CACNA1A: variants seen among roughly 807,000 people sequenced by gnomAD.
The protein encoded by CACNA1A is voltage-dependent P/Q-type calcium channel subunit alpha-1A.
CACNA1A carries 57 observed loss-of-function variants against 262.4 expected under a neutral mutation model. The ratio of observed to expected loss-of-function variants is 0.22; its 90% CI spans 0.18 to 0.27. The LOEUF (loss-of-function observed/expected upper bound fraction) is 0.27. Among genes scored for constraint, CACNA1A ranks in the 10% least tolerant of loss-of-function variants. The probability of loss-of-function intolerance (pLI) is 1.00; values close to 1 mark genes in which losing one functional copy is unlikely to be tolerated. For synonymous variants in CACNA1A, 1,431 were observed against 1,419.3 expected (o/e 1.01, Z -0.18); for missense variants, 2,526 against 3,562.8 (o/e 0.71, Z 7.41).
Position 13,283,311 on chromosome 19 carries a change from G to A in CACNA1A, c.3778C>T (p.Leu1260=), listed in dbSNP as rs944942986. The A allele has an allele frequency of 3.1e-6, 5 of 1,613,886 alleles. No individual in the cohort carries two copies. In the African/African-American group the frequency reaches 6.7e-5, roughly 22 times the overall value. ...GGCTGCACAGGGTCCTCGGCGGCCA[G>A]GGCGATGCTGCTCATGGCAATGACC... is the stretch of plus-strand genomic sequence containing the variant. ...LMVIAMSSIA[L]AAEDPVQPNA... Residue 1260 remains leucine, a synonymous_variant, in exon 22 of 47, where the codon CTG becomes TTG. Coordinates refer to ENST00000360228, the MANE Select transcript of CACNA1A (RefSeq NM_001127222.2).
Position 13,317,207 on chromosome 19 carries a change from G to A in CACNA1A, c.1460C>T (p.Ala487Val). Residue 487 changes from alanine (A) to valine (V), a missense_variant, in exon 11 of 47, where the codon GCC becomes GTC. By Grantham distance (64) the Ala-to-Val change is moderately conservative. Around this residue, in one of 17 missense-constraint regions of CACNA1A, gnomAD observed 102 missense variants for 278.9 expected, o/e 0.37. Coordinates refer to ENST00000360228, the MANE Select transcript of CACNA1A (RefSeq NM_001127222.2). ...FYIRRMVKTQAFYWTVLSLVA... is the reference protein window; with the variant it reads ...FYIRRMVKTQVFYWTVLSLVA... ...CAAACTGAGTACAGTCCAGTAGAAG[G>A]CCTGAGTTTTGACCATGCGGCGGAT... 1 of 1,613,698 alleles carries A rather than the reference G, an allele frequency of 6.2e-7. No homozygotes were observed. Among genetic ancestry groups the A allele is most frequent in the Non-Finnish European group, 8.5e-7 (1 of 1,179,674 alleles).
chr19:13,282,705 C>A (rs1446779905), intron 22 of CACNA1A, among the ~76,000 whole-genome samples: 1 of 151,664 alleles, frequency 6.6e-6, no homozygotes, highest in African/African-American at 2.4e-5. Flanking sequence ...GTTGGGGGGG[C>A]GCATTGTGAG....
chr19:13,486,560 G>C (rs1478603815), intron 1 of CACNA1A, among the ~76,000 whole-genome samples: 1 of 152,164 alleles, frequency 6.6e-6, no homozygotes, highest in Non-Finnish European at 1.5e-5. Context: ...GAAAAGAGAT[G>C]ACGAGTTGGC....
At chr19:13,391,929 C>T (rs1286623269) in intron 3 of CACNA1A, among the ~76,000 whole-genome samples, 5 of 145,436 alleles carry the variant, frequency 3.4e-5, no homozygotes, top group African/African-American at 1.0e-4. Flanking sequence ...CCCAGCTACT[C>T]GGGAGGCTGA....
At chr19:13,310,391 G>T (rs187931094) in intron 12 of CACNA1A, among the ~76,000 whole-genome samples, 54 of 141,680 alleles carry the variant, frequency 3.8e-4, no homozygotes, top group Middle Eastern at 3.8e-3. Flanking sequence ...GGAGGTGGAG[G>T]TTGTAGTGAG....
Position 13,299,064 on chromosome 19 carries a change from A to G in CACNA1A, c.2569T>C (p.Phe857Leu). The change falls in exon 19 of 47, where the codon TTC becomes CTC. Residue 857 changes from phenylalanine (F) to leucine (L), a missense_variant. Around this residue, in one of 17 missense-constraint regions of CACNA1A, gnomAD observed 765 missense variants for 748.6 expected, o/e 1.02. Transcript: ENST00000360228. Reference sequence around the variant, plus strand: ...TGGTAGCGGGCCTGTTTCCTGAGGAAGTCCTCGGCGCGCTGCTGGCCGAGG... The same window carrying G: ...TGGTAGCGGGCCTGTTTCCTGAGGAGGTCCTCGGCGCGCTGCTGGCCGAGG... ...QRLGQQRAED[F>L]LRKQARYHDR... 3 of 1,607,000 alleles carry G rather than the reference A, an allele frequency of 1.9e-6. No individual in the cohort carries two copies. Among genetic ancestry groups the G allele is most frequent in the Non-Finnish European group, 2.5e-6 (3 of 1,178,998 alleles).
chr19:13,408,912 G>A (rs1374061147), intron 3 of CACNA1A, among the ~76,000 whole-genome samples: 2 of 152,132 alleles, frequency 1.3e-5, no homozygotes, highest in African/African-American at 4.8e-5. Flanking sequence ...AGGCAGGGAC[G>A]AGGAAGGAGA....
rs117285960 is a variant in CACNA1A, at chr19:13,333,456, A to T, written c.1199-531T>A. 5.3e-5 allele frequency among the ~76,000 whole-genome samples: 8 copies of T among 150,894 alleles called. No homozygotes were observed. In the East Asian group the frequency reaches 1.6e-3, roughly 29 times the overall value. On this transcript the variant is annotated intron_variant, in intron 8 of 46. Transcript: ENST00000360228. ...TCCTACTCTTTTTTTTTTCTCTGAC[A>T]CAGAGTCTCACTCTGTTGCCCAGGC...
intron 17 of CACNA1A, among the ~76,000 whole-genome samples, 192 bp downstream of exon 17, chr19:13,303,354 C>T (rs771999793): frequency 4.6e-5 from 7 of 152,098 alleles, no homozygotes; most frequent in African/African-American, 7.2e-5. Context: ...GTAGAATTTG[C>T]TTGATGAGGG....
chr19:13,285,582 G>A (rs577857922), intron 20 of CACNA1A, among the ~76,000 whole-genome samples: 33 of 152,102 alleles, frequency 2.2e-4, no homozygotes, highest in Admixed American at 1.6e-3. Context: ...CCCTATCCTC[G>A]TTGGACCTTC....
intron 3 of CACNA1A, 66 bp from the exon 4 acceptor site, chr19:13,371,845 G>T: frequency 1.7e-6 from 2 of 1,189,366 alleles, no homozygotes; most frequent in South Asian, 1.3e-5. Flanking sequence ...CAGGGCGGGG[G>T]TGCTTGGGAT....
chr19:13,251,090 C>T (rs571845227), intron 30 of CACNA1A, among the ~76,000 whole-genome samples: 247 of 148,620 alleles, frequency 1.7e-3, no homozygotes, highest in Non-Finnish European at 3.3e-3. Context: ...CAAGATTGTG[C>T]CACGGTACTC....
chr19:13,277,404 G>C, intron 22 of CACNA1A: 1 of 301,426 alleles, frequency 3.3e-6, no homozygotes, highest in Non-Finnish European at 6.4e-6. Context: ...CCCACGGGAA[G>C]GGTACCTTTT....
chr19:13,317,030 T>C, intron 11 of CACNA1A, 82 bp downstream of exon 11: 1 of 867,638 alleles, frequency 1.2e-6, no homozygotes, highest in East Asian at 2.6e-5. Context: ...AAGATACACA[T>C]ACTACCAGAG....
intron 3 of CACNA1A, among the ~76,000 whole-genome samples, chr19:13,373,278 C>T (rs181269535): frequency 2.6e-5 from 4 of 152,342 alleles, no homozygotes; most frequent in Non-Finnish European, 5.9e-5. Context: ...CTGCCTTAGC[C>T]TACTGAGTAG....
At chr19:13,286,223 C>G (rs977655819) in intron 20 of CACNA1A, among the ~76,000 whole-genome samples, 1 of 152,160 alleles carries the variant, frequency 6.6e-6, no homozygotes, top group African/African-American at 2.4e-5. Context: ...GACCCTATTG[C>G]TCCTCAAATG....
chr19:13,334,402 A>G lies in CACNA1A; in HGVS notation c.1174T>C (p.Tyr392His). 1 of 1,599,522 alleles carries G rather than the reference A, an allele frequency of 6.3e-7. No homozygotes were observed. The change falls in exon 8 of 47, where the codon TAC becomes CAC. Residue 392 changes from tyrosine (Y) to histidine (H), a missense_variant. Transcript: ENST00000360228. The stretch of plus-strand genomic sequence containing the variant: ...CCTGCTTTTGAGATCCACTCCATGT[A>G]CCCATTGAGCTCACGTTCAATCTGT... ...QQQIERELNGYMEWISKAEEV... is the reference protein window; with the variant it reads ...QQQIERELNGHMEWISKAEEV...
At chr19:13,216,428 T>A (rs1347703489) in intron 38 of CACNA1A, among the ~76,000 whole-genome samples, 2 of 66,664 alleles carry the variant, frequency 3.0e-5, no homozygotes, top group African/African-American at 1.7e-4. Flanking sequence ...ACCTCCACCT[T>A]CAGAGTTCAA....
intron 3 of CACNA1A, among the ~76,000 whole-genome samples, chr19:13,379,303 C>A (rs1344519855): frequency 6.6e-6 from 1 of 151,914 alleles, no homozygotes; most frequent in African/African-American, 2.4e-5. Context: ...AAGGTATGTA[C>A]ATTTTTTTTT....
Sources: allele counts gnomAD v4.1 joint callset (sites outside exome capture counted in the v4.1 genomes callset), GRCh38; gene constraint gnomAD v4.1.1; regional missense constraint gnomAD v4.1.1; transcripts MANE v1.5; gene names NCBI Gene and HGNC (gene_info 2026-07-23, HGNC 2026-07-21).